JUP: variants seen among roughly 807,000 people sequenced by gnomAD.
JUP encodes the protein junction plakoglobin.
Under a neutral mutation model 71.1 loss-of-function variants are expected in JUP, and 28 were observed. The observed-to-expected ratio is 0.39, with a 90% CI of 0.29 to 0.54. The LOEUF (loss-of-function observed/expected upper bound fraction) is 0.54, where lower values mean the gene tolerates loss of function less well. Ranked by LOEUF, JUP falls within the 20% of genes least tolerant of loss-of-function variation. The pLI is 0.62. For synonymous variants in JUP, 401 were observed against 438.9 expected (o/e 0.91, Z 1.08); for missense variants, 869 against 1,030.1 (o/e 0.84, Z 2.14).
intron 8 of JUP, among the ~76,000 whole-genome samples, chr17:41,759,765 G>T (rs782219791): frequency 7.9e-5 from 12 of 152,156 alleles, no homozygotes; most frequent in Non-Finnish European, 1.5e-4. Flanking sequence ...GTGAGATGGG[G>T]ACGTGAGCAC....
At chr17:41,783,671 A>G (rs1034136504) in intron 1 of JUP, among the ~76,000 whole-genome samples, 23 of 151,862 alleles carry the variant, frequency 1.5e-4, no homozygotes, top group Non-Finnish European at 3.2e-4. Context: ...CTGTAATCCC[A>G]GCACTTTGGG....
In JUP at chr17:41,758,792, G is replaced by A. The variant is rs782309611; in HGVS notation, c.1576C>T (p.Arg526Cys). 8.1e-6 allele frequency: 13 copies of A among 1,611,650 alleles called. No homozygotes were observed. Among genetic ancestry groups the A allele is most frequent in the Admixed American group, 6.7e-5 (4 of 59,734 alleles). The change falls in exon 9 of 14, where the codon CGC becomes TGC. Residue 526 changes from arginine to cysteine, a missense_variant. Physicochemically the swap from Arg to Cys is radical, Grantham distance 180. Transcript: ENST00000393931. ...GCCTTCACCAGCAGTTGGACGAGGC[G>A]GGGGATGACCGCTGCCTCCTGCAGC... is the stretch of plus-strand genomic sequence containing the variant. The part of the protein sequence containing the change: ...APLQEAAVIP[R>C]LVQLLVKAHQ...
At position 41,769,475 on chromosome 17, in the gene JUP, G is replaced by C; in HGVS notation, c.411C>G (p.Ala137=). Residue 137 remains alanine, a synonymous_variant, in exon 3 of 14, where the codon GCC becomes GCG. Transcript: ENST00000393931. ...IVHLINYQDD[A]ELATRALPEL... ...CGGGCAGGGCGCGAGTGGCCAGCTCGGCATCGTCCTGGTAGTTGATGAGAT... is the reference window on the plus strand; with the variant it reads ...CGGGCAGGGCGCGAGTGGCCAGCTCCGCATCGTCCTGGTAGTTGATGAGAT... 1.2e-6 allele frequency: 2 copies of C among 1,613,038 alleles called. No individual in the cohort carries two copies. Among genetic ancestry groups the C allele is most frequent in the Non-Finnish European group, 1.7e-6 (2 of 1,179,690 alleles).
chr17:41,759,518 G>C (rs1914461802), intron 8 of JUP, among the ~76,000 whole-genome samples: 1 of 144,416 alleles, frequency 6.9e-6, no homozygotes, highest in Non-Finnish European at 1.5e-5. Context: ...TTTTCTGATA[G>C]TCCTCCAAGC....
At chr17:41,770,991 G>A (rs547326842) in intron 2 of JUP, among the ~76,000 whole-genome samples, 2 of 152,352 alleles carry the variant, frequency 1.3e-5, no homozygotes, top group Admixed American at 6.5e-5. Context: ...CCATCCATGG[G>A]CTCCCTGAGA....
rs782138974 is a variant in JUP at position 41,757,474 on chromosome 17, G to A, written c.1987C>T (p.Arg663Cys). 4.3e-6 allele frequency: 7 copies of A among 1,614,088 alleles called. No homozygotes were observed. In the South Asian group the frequency reaches 4.4e-5, roughly 10 times the overall value. Residue 663 changes from arginine (R) to cysteine (C), a missense_variant, in exon 12 of 14, where the codon CGC becomes TGC. By Grantham distance (180) the Arg-to-Cys change is radical. Coordinates refer to ENST00000393931, the MANE Select transcript of JUP (RefSeq NM_002230.4). Reference sequence around the variant, plus strand: ...GAGTTGGTGAGCTCCACGGACACGCGCTTCCGGTAGTCTGGGTTCTTGTCC... The same window carrying A: ...GAGTTGGTGAGCTCCACGGACACGCACTTCCGGTAGTCTGGGTTCTTGTCC... ...SEDKNPDYRKRVSVELTNSLF... is the reference protein window; with the variant it reads ...SEDKNPDYRKCVSVELTNSLF...
intron 5 of JUP, among the ~76,000 whole-genome samples, 180 bp from the exon 6 acceptor site, chr17:41,765,247 G>T (rs1045609757): frequency 1.1e-4 from 17 of 152,098 alleles, no homozygotes; most frequent in Admixed American, 5.2e-4. Context: ...TGCTGCCCAG[G>T]CTGGTCTAGA....
rs1913417801 is a variant in JUP at position 41,754,801 on chromosome 17, G to A, written c.*943C>T. 6.5e-6 allele frequency: 1 copy of A among 153,236 alleles called. No individual in the cohort carries two copies. Among genetic ancestry groups the A allele is most frequent in the South Asian group, 2.1e-4 (1 of 4,824 alleles). The allele number at this position is 153,236 out of a possible 1,614,324, so 9.5% of individuals were successfully genotyped here. A position where few individuals can be genotyped will look rare whatever the true frequency, so the allele number is the denominator to read the frequency against. On this transcript the variant is annotated 3_prime_UTR_variant, in exon 14 of 14. Coordinates refer to ENST00000393931, the MANE Select transcript of JUP (RefSeq NM_002230.4). ...ACCACACACCAGAGGGGTCAGCCAA[G>A]AGCACTTCTCGGGGTCAGCTAGGGC...
chr17:41,782,707 C>A (rs1406731674), intron 1 of JUP, among the ~76,000 whole-genome samples: 1 of 152,134 alleles, frequency 6.6e-6, no homozygotes, highest in African/African-American at 2.4e-5. Context: ...ACAGGTATCA[C>A]CCCCACCTAC....
rs1410949803 is a variant in JUP at position 41,755,780 on chromosome 17, C to A, written c.2202G>T (p.Arg734Ser). The stretch of plus-strand genomic sequence containing the variant: ...TGTGGTCTGCAGTGGGGTACGGGGG[C>A]CTGAGGCCGTCGCTGTAGGTGTCGA... The part of the protein sequence containing the change: ...YPIDTYSDGL[R>S]PPYPTADHML... Residue 734 changes from arginine (R) to serine (S), a missense_variant, in exon 14 of 14, where the codon AGG becomes AGT. Coordinates refer to ENST00000393931, the MANE Select transcript of JUP (RefSeq NM_002230.4). 2 of 1,610,832 alleles carry A rather than the reference C, an allele frequency of 1.2e-6. No individual in the cohort carries two copies. The highest frequency in any genetic ancestry group is 1.7e-6 in the Non-Finnish European group (2 of 1,178,374).
At position 41,771,341 on chromosome 17, in the gene JUP, G is replaced by A. The variant is rs1344584343; in HGVS notation, c.208+306C>T. The stretch of plus-strand genomic sequence containing the variant: ...GCCACCGTACCCAATGTCTTCATCA[G>A]ATTCTTATGTTCACAGAAGGCAAGG... On this transcript the variant is annotated intron_variant, in intron 2 of 13. Transcript: ENST00000393931. 6.5e-6 allele frequency: 3 copies of A among 458,474 alleles called. No homozygotes were observed. The Admixed American group carries it at 1.0e-4, about 16-fold the overall frequency. The allele number at this position is 458,474 out of a possible 1,614,324, so 28.4% of individuals were successfully genotyped here. A position where few individuals can be genotyped will look rare whatever the true frequency, so the allele number is the denominator to read the frequency against.
chr17:41,779,730 A>G (rs1169204813), intron 1 of JUP, among the ~76,000 whole-genome samples: 1 of 151,980 alleles, frequency 6.6e-6, no homozygotes, highest in Non-Finnish European at 1.5e-5. Flanking sequence ...TAGTGGCACA[A>G]TCATGGCTCA....
At chr17:41,762,254 G>A (rs1339730912) in intron 8 of JUP, among the ~76,000 whole-genome samples, 1 of 134,342 alleles carries the variant, frequency 7.4e-6, no homozygotes, top group Non-Finnish European at 1.6e-5. Context: ...CAAATTTTTT[G>A]TAAGAGATGG....
At chr17:41,766,479 G>A (rs1398081854) in intron 5 of JUP, among the ~76,000 whole-genome samples, 1 of 152,042 alleles carries the variant, frequency 6.6e-6, no homozygotes, top group Non-Finnish European at 1.5e-5. Flanking sequence ...CTGATACTTT[G>A]GGAGGCCAAG....
rs1452064423 is a variant in JUP at position 41,757,665 on chromosome 17, C to T, written c.1893G>A (p.Met631Ile). ...CCTCGTTGCGGGAGTGCAGCAACTC[C>T]ATGAGTGGGGCCGAGGCCCCCTCTG... is the stretch of plus-strand genomic sequence containing the variant. ...IDAEGASAPL[M>I]ELLHSRNEGT... Residue 631 changes from methionine (M) to isoleucine (I), a missense_variant, in exon 11 of 14, where the codon ATG (methionine) becomes ATA (isoleucine). Physicochemically the swap from Met to Ile is conservative, Grantham distance 10 (BLOSUM62 1). Coordinates refer to ENST00000393931, the MANE Select transcript of JUP (RefSeq NM_002230.4). 6.2e-7 allele frequency: 1 copy of T among 1,613,662 alleles called. No homozygotes were observed. Among genetic ancestry groups the T allele is most frequent in the East Asian group, 2.2e-5 (1 of 44,870 alleles).
In JUP at chr17:41,757,672, G is replaced by A; in HGVS notation, c.1886C>T (p.Pro629Leu). 6.2e-7 allele frequency: 1 copy of A among 1,613,574 alleles called. No individual in the cohort carries two copies. Among genetic ancestry groups the A allele is most frequent in the Non-Finnish European group, 8.5e-7 (1 of 1,179,764 alleles). The change falls in exon 11 of 14, where the codon CCA becomes CTA. Residue 629 changes from proline (P) to leucine (L), a missense_variant. Pro to Leu is a moderately conservative substitution (Grantham distance 98). Transcript: ENST00000393931. ...GCGGGAGTGCAGCAACTCCATGAGT[G>A]GGGCCGAGGCCCCCTCTGCATCAAT... ...DAIDAEGASAPLMELLHSRNE... is the reference protein window; with the variant it reads ...DAIDAEGASALLMELLHSRNE...
At chr17:41,782,879 T>C (rs1290969321) in intron 1 of JUP, among the ~76,000 whole-genome samples, 1 of 151,982 alleles carries the variant, frequency 6.6e-6, no homozygotes, top group African/African-American at 2.4e-5. Context: ...GCGGATCTCC[T>C]GAAGGTCAGG....
At position 41,763,222 on chromosome 17, in the gene JUP, A is replaced by T; in HGVS notation, c.1258T>A (p.Cys420Ser). 1 of 1,614,198 alleles carries T rather than the reference A, an allele frequency of 6.2e-7. No individual in the cohort carries two copies. Among genetic ancestry groups the T allele is most frequent in the Non-Finnish European group, 8.5e-7 (1 of 1,180,032 alleles). ...CATGTLSNLTCNNSKNKTLVT... is the reference protein window; with the variant it reads ...CATGTLSNLTSNNSKNKTLVT... ...AGCGTCTTGTTCTTGCTGTTGTTGCATGTCAGGTTGGAGAGTGTGCCCGTG... is the reference window on the plus strand; with the variant it reads ...AGCGTCTTGTTCTTGCTGTTGTTGCTTGTCAGGTTGGAGAGTGTGCCCGTG... The change falls in exon 8 of 14, where the codon TGC becomes AGC. Residue 420 changes from cysteine to serine, a missense_variant. Cys to Ser is a moderately radical substitution (Grantham distance 112). Coordinates refer to ENST00000393931, the MANE Select transcript of JUP (RefSeq NM_002230.4).
At position 41,758,802 on chromosome 17, in the gene JUP, C is replaced by T. The variant is rs547437428; in HGVS notation, c.1566G>A (p.Ala522=). The part of the protein sequence containing the change: ...PANHAPLQEA[A]VIPRLVQLLV... Reference sequence around the variant, plus strand: ...GCAGTTGGACGAGGCGGGGGATGACCGCTGCCTCCTGCAGCGGGGCATGGT... The same window carrying T: ...GCAGTTGGACGAGGCGGGGGATGACTGCTGCCTCCTGCAGCGGGGCATGGT... Residue 522 remains alanine (A), a synonymous_variant, in exon 9 of 14, where the codon GCG becomes GCA. Coordinates refer to ENST00000393931, the MANE Select transcript of JUP (RefSeq NM_002230.4). 86 of 1,611,752 alleles carry T rather than the reference C, an allele frequency of 5.3e-5. No individual in the cohort carries two copies. Among genetic ancestry groups the T allele is most frequent in the Non-Finnish European group, 5.8e-5 (68 of 1,178,914 alleles).
Sources: allele counts gnomAD v4.1 joint callset (sites outside exome capture counted in the v4.1 genomes callset), GRCh38; gene constraint gnomAD v4.1.1; transcripts MANE v1.5; gene names NCBI Gene and HGNC (gene_info 2026-07-23, HGNC 2026-07-21).